The following TRIM72 variants were observed in gnomAD, a reference collection of about 807,000 sequenced individuals.
TRIM72 encodes the protein tripartite motif containing 72.
In TRIM72, 33 loss-of-function variants were observed where a neutral mutation model predicts 31.6. The observed-to-expected ratio is 1.04, with a 90% CI of 0.79 to 1.40. The LOEUF (loss-of-function observed/expected upper bound fraction) is 1.40. Among genes scored for constraint, TRIM72 ranks in the 40% most tolerant of loss-of-function variants. The pLI is 0.00. For synonymous variants in TRIM72, 301 were observed against 314.4 expected (o/e 0.96, Z 0.45); for missense variants, 666 against 682.7 (o/e 0.98, Z 0.27).
Position 31,222,833 on chromosome 16 carries a change from G to A in TRIM72, c.747G>A (p.Gln249=), listed in dbSNP as rs1355675499. Residue 249 remains glutamine, a synonymous_variant, in exon 6 of 7, where the codon CAG becomes CAA. Transcript: ENST00000322122. ...TTCCCCTCCCCACCCCCAGGCTGCA[G>A]AAGATCCTGGCAGAGTCTCCCCCAC... is the stretch of plus-strand genomic sequence containing the variant. ...MKYCLVTSRL[Q]KILAESPPPA... is the part of the protein sequence containing the mutation. 8.9e-7 allele frequency: 1 copy of A among 1,127,962 alleles called. No individual in the cohort carries two copies. The highest frequency in any genetic ancestry group is 1.2e-6 in the Non-Finnish European group (1 of 857,008). The allele number at this position is 1,127,962 out of a possible 1,614,324, so 69.9% of individuals were successfully genotyped here. A position where few individuals can be genotyped will look rare whatever the true frequency, so the allele number is the denominator to read the frequency against.
At chr16:31,217,046 C>T (rs763047132) in intron 2 of TRIM72, 5 of 1,603,000 alleles carry the variant, frequency 3.1e-6, no homozygotes, top group East Asian at 2.2e-5. Flanking sequence ...CCCTGCGCCT[C>T]TGAGCCTCCG....
intron 2 of TRIM72, among the ~76,000 whole-genome samples, chr16:31,218,596 C>T (rs962372461): frequency 2.6e-5 from 4 of 151,836 alleles, no homozygotes; most frequent in Non-Finnish European, 4.4e-5. Flanking sequence ...GCAGGAGAAT[C>T]GCTTGAACCC....
rs116414838 is a variant in TRIM72, at chr16:31,219,420, C to T, written c.618C>T (p.Arg206=). ...GGGGTGAGGCAGGGGTCGCCTTGCG[C>T]CGGGAGCTGGGGAGCCTGAACTCTT... ...RVRGEAGVAL[R]RELGSLNSYL... The change falls in exon 4 of 7, where the codon CGC becomes CGT. Residue 206 remains arginine (R), a synonymous_variant. Coordinates refer to ENST00000322122, the MANE Select transcript of TRIM72 (RefSeq NM_001008274.4). This position sits in a 1 kb window ranked among gnomAD's most constrained non-coding sequence, Gnocchi z 4.2. 4,933 of 1,613,528 alleles carry T rather than the reference C, an allele frequency of 3.1e-3. 154 individuals carry two copies. In the African/African-American group the frequency reaches 0.059, roughly 19 times the overall value.
chr16:31,228,313 T>TA lies in TRIM72; in HGVS notation c.*3562dup, dbSNP rs1234754959. The TA allele has an allele frequency of 1.3e-5, 2 of 152,268 alleles. No individual in the cohort carries two copies. The highest frequency in any genetic ancestry group is 4.8e-5 in the African/African-American group (2 of 41,460). 9.4% of individuals were successfully genotyped at this position (152,268 alleles called of 1,614,324 possible). A position where few individuals can be genotyped will look rare whatever the true frequency, so the allele number is the denominator to read the frequency against. On this transcript the variant is annotated 3_prime_UTR_variant, in exon 7 of 7. Coordinates refer to ENST00000322122, the MANE Select transcript of TRIM72 (RefSeq NM_001008274.4). ...ATCTAACAGGGCAAATATTGAAAGA[T>TA]AAAACCACATAACAAAAGCTCTTTG...
At chr16:31,220,726 C>A (rs954535011) in intron 4 of TRIM72, among the ~76,000 whole-genome samples, 170 bp from the exon 5 acceptor site, 1 of 152,074 alleles carries the variant, frequency 6.6e-6, no homozygotes, top group African/African-American at 2.4e-5. Context: ...ACACCTTGGC[C>A]TCCCAAAGTG....
At position 31,219,171 on chromosome 16, in the gene TRIM72, A is replaced by G. The variant is rs939740670; in HGVS notation, c.467A>G (p.His156Arg). Residue 156 changes from histidine (H) to arginine (R), a missense_variant, in exon 3 of 7, where the codon CAT becomes CGT. By Grantham distance (29) the His-to-Arg change is conservative. Coordinates refer to ENST00000322122, the MANE Select transcript of TRIM72 (RefSeq NM_001008274.4). The surrounding 1 kb of genome is among the most constrained non-coding windows in gnomAD (Gnocchi z 4.2). ...GAGAAGAGTGTGGCTGTGCTGGAGC[A>G]TCAGCTGGTGGAGGTGGAGGTGAGG... ...RKEKSVAVLE[H>R]QLVEVEETVR... The G allele has an allele frequency of 1.2e-6, 2 of 1,612,164 alleles. No individual in the cohort carries two copies. The highest frequency in any genetic ancestry group is 8.5e-7 in the Non-Finnish European group (1 of 1,179,260).
Position 31,215,264 on chromosome 16 carries a change from G to T in TRIM72, c.390+136G>T. On this transcript the variant is annotated intron_variant, in intron 2 of 6. Coordinates refer to ENST00000322122, the MANE Select transcript of TRIM72 (RefSeq NM_001008274.4). This position sits in a 1 kb window ranked among gnomAD's most constrained non-coding sequence, Gnocchi z 6.3. ...CCTGGAGTTGCGGGGGGCGGGGGCG[G>T]GGCGAAGCAGCCAGGAAAGAGGGTC... 1 of 1,272,704 alleles carries T rather than the reference G, an allele frequency of 7.9e-7. No homozygotes were observed. Among genetic ancestry groups the T allele is most frequent in the Non-Finnish European group, 1.0e-6 (1 of 988,552 alleles). 78.8% of individuals were successfully genotyped at this position (1,272,704 alleles called of 1,614,324 possible). A position where few individuals can be genotyped will look rare whatever the true frequency, so the allele number is the denominator to read the frequency against.
At position 31,223,393 on chromosome 16, in the gene TRIM72, A is replaced by G. The variant is rs1316751128; in HGVS notation, c.859+448A>G. On this transcript the variant is annotated intron_variant, in intron 6 of 6. Coordinates refer to ENST00000322122, the MANE Select transcript of TRIM72 (RefSeq NM_001008274.4). ...CAAGGGCTCAGTTCCTCCCCCCAAG[A>G]GCTGGATGATGCAGGTTACAGAGCT... 2.0e-5 allele frequency among the ~76,000 whole-genome samples: 3 copies of G among 152,158 alleles called. No individual in the cohort carries two copies. In the East Asian group the frequency reaches 5.8e-4, roughly 29 times the overall value.
chr16:31,223,258 G>A (rs945458303), intron 6 of TRIM72, among the ~76,000 whole-genome samples: 1 of 152,146 alleles, frequency 6.6e-6, no homozygotes, highest in Non-Finnish European at 1.5e-5. Context: ...TCTGGACGGT[G>A]GAGATGATAA....
chr16:31,224,581 C>T lies in TRIM72; in HGVS notation c.1260C>T (p.Gly420=), dbSNP rs2079547951. 1.3e-6 allele frequency: 2 copies of T among 1,552,226 alleles called. No individual in the cohort carries two copies. The highest frequency in any genetic ancestry group is 8.7e-7 in the Non-Finnish European group (1 of 1,154,536). Reference sequence around the variant, plus strand: ...GCATTGGCCTTTACCTGAGCTTCGGCGACGGCGTCCTCTCCTTCTACGATG... The same window carrying T: ...GCATTGGCCTTTACCTGAGCTTCGGTGACGGCGTCCTCTCCTTCTACGATG... ...PTRIGLYLSF[G]DGVLSFYDAS... The change falls in exon 7 of 7, where the codon GGC becomes GGT. Residue 420 remains glycine (G), a synonymous_variant. Transcript: ENST00000322122.
chr16:31,222,027 C>G (rs926433131), intron 5 of TRIM72, among the ~76,000 whole-genome samples: 4 of 152,224 alleles, frequency 2.6e-5, no homozygotes, highest in African/African-American at 9.6e-5. Context: ...GAAGAGGAAG[C>G]TGCGGTAGTA....
chr16:31,216,672 G>C lies in TRIM72; in HGVS notation c.390+1544G>C, dbSNP rs372785932. 1.6e-5 allele frequency: 23 copies of C among 1,475,636 alleles called. No homozygotes were observed. In the South Asian group the frequency reaches 2.2e-4, roughly 14 times the overall value. The allele number at this position is 1,475,636 out of a possible 1,614,324, so 91.4% of individuals were successfully genotyped here. On this transcript the variant is annotated intron_variant, in intron 2 of 6. Transcript: ENST00000322122. This position sits in a 1 kb window ranked among gnomAD's most constrained non-coding sequence, Gnocchi z 6.7. ...GAGGGACCCTGAAGGAGGGGAACAGGAAGGCTCTGGGCGGGACCTGACGCG... is the reference window on the plus strand; with the variant it reads ...GAGGGACCCTGAAGGAGGGGAACAGCAAGGCTCTGGGCGGGACCTGACGCG...
rs974041277 is a variant in TRIM72, at chr16:31,215,493, T to A, written c.390+365T>A. 6.6e-6 allele frequency among the ~76,000 whole-genome samples: 1 copy of A among 152,110 alleles called. No individual in the cohort carries two copies. The highest frequency in any genetic ancestry group is 1.5e-5 in the Non-Finnish European group (1 of 68,010). ...CCAGCCCCTGCGGCCCACGCTCGCA[T>A]TCCTGCACCCGGTGGGCCGTTCGGG... On this transcript the variant is annotated intron_variant, in intron 2 of 6. Transcript: ENST00000322122. This position sits in a 1 kb window ranked among gnomAD's most constrained non-coding sequence, Gnocchi z 6.3.
rs1230367113 is a variant in TRIM72 at position 31,226,783 on chromosome 16, A to T, written c.*2028A>T. On this transcript the variant is annotated 3_prime_UTR_variant, in exon 7 of 7. Coordinates refer to ENST00000322122, the MANE Select transcript of TRIM72 (RefSeq NM_001008274.4). ...TCCCTGGAGGGAGAGGCCTTTGGGG[A>T]TCCAGACAGGCTTCTCTCCTGAGGG... 2 of 152,238 alleles carry T rather than the reference A, an allele frequency of 1.3e-5. No homozygotes were observed. The highest frequency in any genetic ancestry group is 2.9e-5 in the Non-Finnish European group (2 of 68,076). 9.4% of individuals were successfully genotyped at this position (152,238 alleles called of 1,614,324 possible). A position where few individuals can be genotyped will look rare whatever the true frequency, so the allele number is the denominator to read the frequency against.
At chr16:31,221,902 G>A (rs1466394276) in intron 5 of TRIM72, among the ~76,000 whole-genome samples, 2 of 150,172 alleles carry the variant, frequency 1.3e-5, no homozygotes, top group Non-Finnish European at 3.0e-5. Flanking sequence ...GGAGAAGGGT[G>A]TTGCTGGCAG....
chr16:31,229,713 A>T lies in TRIM72; in HGVS notation c.*4958A>T, dbSNP rs1026131334. The T allele has an allele frequency of 6.6e-6, 1 of 152,230 alleles. No homozygotes were observed. The highest frequency in any genetic ancestry group is 1.5e-5 in the Non-Finnish European group (1 of 68,048). 9.4% of individuals were successfully genotyped at this position (152,230 alleles called of 1,614,324 possible). On this transcript the variant is annotated 3_prime_UTR_variant, in exon 7 of 7. Transcript: ENST00000322122. The stretch of plus-strand genomic sequence containing the variant: ...ACCCCCAGAAACTGGCTGCCAAGAC[A>T]TTTCCTGTGTTTCCTGACATCTTTA...
At position 31,217,055 on chromosome 16, in the gene TRIM72, C is replaced by A. The variant is rs368309851; in HGVS notation, c.390+1927C>A. Reference sequence around the variant, plus strand: ...GCTCAGCCCTGCGCCTCTGAGCCTCCGAGGGCCTGGAGCCATCAGGTCCTA... The same window carrying A: ...GCTCAGCCCTGCGCCTCTGAGCCTCAGAGGGCCTGGAGCCATCAGGTCCTA... On this transcript the variant is annotated intron_variant, in intron 2 of 6. Transcript: ENST00000322122. The A allele has an allele frequency of 2.2e-5, 35 of 1,598,812 alleles. No individual in the cohort carries two copies. In the African/African-American group the frequency reaches 4.0e-4, roughly 18 times the overall value.
chr16:31,224,383 G>A lies in TRIM72; in HGVS notation c.1062G>A (p.Lys354=). Reference sequence around the variant, plus strand: ...ACTGGGAGGTGGATGTTGGCGACAAGCCGCGCTGGGCGCTGGGCGTGATCG... The same window carrying A: ...ACTGGGAGGTGGATGTTGGCGACAAACCGCGCTGGGCGCTGGGCGTGATCG... ...EHYWEVDVGD[K]PRWALGVIAA... is the part of the protein sequence containing the mutation. The change falls in exon 7 of 7, where the codon AAG becomes AAA. Residue 354 remains lysine (K), a synonymous_variant. Coordinates refer to ENST00000322122, the MANE Select transcript of TRIM72 (RefSeq NM_001008274.4). 1 of 1,480,292 alleles carries A rather than the reference G, an allele frequency of 6.8e-7. No individual in the cohort carries two copies. Among genetic ancestry groups the A allele is most frequent in the Non-Finnish European group, 8.9e-7 (1 of 1,125,030 alleles). The allele number at this position is 1,480,292 out of a possible 1,614,324, so 91.7% of individuals were successfully genotyped here. A position where few individuals can be genotyped will look rare whatever the true frequency, so the allele number is the denominator to read the frequency against.
At position 31,225,568 on chromosome 16, in the gene TRIM72, G is replaced by A. The variant is rs2079552567; in HGVS notation, c.*813G>A. The A allele has an allele frequency of 1.3e-5, 2 of 148,388 alleles. No homozygotes were observed. The highest frequency in any genetic ancestry group is 4.3e-4 in the South Asian group (2 of 4,598). The allele number at this position is 148,388 out of a possible 1,614,324, so 9.2% of individuals were successfully genotyped here. A position where few individuals can be genotyped will look rare whatever the true frequency, so the allele number is the denominator to read the frequency against. ...TTTTTAAAGCCCTTAGCCATGACTT[G>A]TTAAAGCATAGGGTGCTAAGTTTCT... On this transcript the variant is annotated 3_prime_UTR_variant, in exon 7 of 7. Transcript: ENST00000322122.
Sources: allele counts gnomAD v4.1 joint callset (sites outside exome capture counted in the v4.1 genomes callset), GRCh38; gene constraint gnomAD v4.1.1; non-coding constraint Gnocchi (gnomAD v3.1); transcripts MANE v1.5; gene names NCBI Gene and HGNC (gene_info 2026-07-23, HGNC 2026-07-21).